The following UNC5C variants were observed in gnomAD, a reference collection of about 807,000 sequenced individuals.
UNC5C encodes the protein netrin receptor UNC5C.
Under a neutral mutation model 99.8 loss-of-function variants are expected in UNC5C, and 47 were observed. The observed-to-expected ratio is 0.47, with a 90% CI of 0.37 to 0.60. The LOEUF is 0.60. Ranked by LOEUF, UNC5C falls within the 20% of genes least tolerant of loss-of-function variation. UNC5C has a pLI of 0.00. For missense variants in UNC5C, 1,062 were observed against 1,165.9 expected, an observed-to-expected ratio of 0.91 and a Z score of 1.30; for synonymous variants, 487 against 452.2, an observed-to-expected ratio of 1.08 and a Z score of -0.98.
At chr4:95,349,488 C>T (rs1398789443) in intron 1 of UNC5C, among the ~76,000 whole-genome samples, 3 of 150,258 alleles carry the variant, frequency 2.0e-5, no homozygotes, top group Non-Finnish European at 3.0e-5. Context: ...GACTGGAGGG[C>T]TTTATGGGGG....
chr4:95,266,767 A>G (rs919945556), intron 4 of UNC5C, among the ~76,000 whole-genome samples: 3 of 152,204 alleles, frequency 2.0e-5, no homozygotes, highest in Non-Finnish European at 4.4e-5. Context: ...CTCTTTCCTA[A>G]ATACTTTATT....
At chr4:95,388,986 C>G (rs1339774994) in intron 1 of UNC5C, among the ~76,000 whole-genome samples, 1 of 152,084 alleles carries the variant, frequency 6.6e-6, no homozygotes, top group East Asian at 1.9e-4. Flanking sequence ...TGCTATTTAA[C>G]ATTTTTTTCA....
At chr4:95,189,915 T>C (rs1044266259) in intron 12 of UNC5C, among the ~76,000 whole-genome samples, 1 of 152,202 alleles carries the variant, frequency 6.6e-6, no homozygotes, top group Non-Finnish European at 1.5e-5. Context: ...AGTTCAGCCA[T>C]TGTGGAAGTC....
chr4:95,382,101 A>G lies in UNC5C; in HGVS notation c.125-46470T>C, dbSNP rs149979425. 3.0e-4 allele frequency among the ~76,000 whole-genome samples: 45 copies of G among 152,262 alleles called. No homozygotes were observed. The East Asian group carries it at 5.2e-3, about 18-fold the overall frequency. On this transcript the variant is annotated intron_variant, in intron 1 of 15. Coordinates refer to ENST00000453304, the MANE Select transcript of UNC5C (RefSeq NM_003728.4). ...CTCAGGTCAAGTGTAGCAGGTTTCA[A>G]TAAGTGTTTGTCCTTTTTACCAGGA... is the stretch of plus-strand genomic sequence containing the variant.
At chr4:95,213,913 T>C (rs1019499110) in intron 10 of UNC5C, among the ~76,000 whole-genome samples, 2 of 152,184 alleles carry the variant, frequency 1.3e-5, no homozygotes, top group Non-Finnish European at 2.9e-5. Context: ...TGGAGGAGGA[T>C]GGCACATTAG....
In UNC5C at chr4:95,391,792, G is replaced by GAGGCCA. The variant is rs545247226; in HGVS notation, c.125-56167_125-56162dup. Among the ~76,000 whole-genome samples, 33 of 148,306 alleles carry GAGGCCA rather than the reference G, an allele frequency of 2.2e-4. No homozygotes were observed. In the South Asian group the frequency reaches 5.4e-3, roughly 24 times the overall value. ...AAAAAAAAAAAGGCACTTTTAAAGA[G>GAGGCCA]AGGCCAAAGCACTGTGGCTCACACC... On this transcript the variant is annotated intron_variant, in intron 1 of 15. Transcript: ENST00000453304.
intron 10 of UNC5C, among the ~76,000 whole-genome samples, chr4:95,209,528 T>C (rs1396459997): frequency 6.6e-6 from 1 of 152,216 alleles, no homozygotes; most frequent in Non-Finnish European, 1.5e-5. Context: ...TTTTAGTCTT[T>C]TAATAGCATT....
chr4:95,346,868 C>T (rs1743791409), intron 1 of UNC5C, among the ~76,000 whole-genome samples: 1 of 151,876 alleles, frequency 6.6e-6, no homozygotes, highest in Non-Finnish European at 1.5e-5. Context: ...AACAAGGATG[C>T]CCACTTTCAT....
chr4:95,341,891 A>T (rs934381325), intron 1 of UNC5C, among the ~76,000 whole-genome samples: 3 of 152,134 alleles, frequency 2.0e-5, no homozygotes, highest in Non-Finnish European at 4.4e-5. Flanking sequence ...GCATTGGAAC[A>T]GAGTGCTACC....
At chr4:95,382,857 T>C (rs10461127) in intron 1 of UNC5C, among the ~76,000 whole-genome samples, 114,883 of 152,138 alleles carry the variant, frequency 0.76, 44,272 homozygotes, top group East Asian at 0.96. Flanking sequence ...AGCTGTCAAA[T>C]GCTCCATTGT....
At chr4:95,263,948 CATAAA>C (rs1410477126) in intron 4 of UNC5C, among the ~76,000 whole-genome samples, 2 of 152,154 alleles carry the variant, frequency 1.3e-5, no homozygotes, top group Non-Finnish European at 2.9e-5. Context: ...TGATATCTAG[CATAAA>C]ATAAGAGATA....
At chr4:95,371,064 A>G (rs978390955) in intron 1 of UNC5C, among the ~76,000 whole-genome samples, 4 of 152,190 alleles carry the variant, frequency 2.6e-5, no homozygotes, top group African/African-American at 9.6e-5. Flanking sequence ...AGTAATGCCA[A>G]TTACTTAGAA....
chr4:95,203,407 A>C lies in UNC5C; in HGVS notation c.1903-443T>G, dbSNP rs972908522. On this transcript the variant is annotated intron_variant, in intron 11 of 15. Coordinates refer to ENST00000453304, the MANE Select transcript of UNC5C (RefSeq NM_003728.4). ...CCTGACAAATTCCATGACACGTAAG[A>C]TACATTTCTCTGTTACTTTTTTTGT... Among the ~76,000 whole-genome samples the C allele has an allele frequency of 2.0e-5, 3 of 152,110 alleles. No individual in the cohort carries two copies. In the East Asian group the frequency reaches 5.8e-4, roughly 29 times the overall value.
intron 1 of UNC5C, among the ~76,000 whole-genome samples, chr4:95,337,604 T>C (rs1244960351): frequency 1.3e-5 from 2 of 151,968 alleles, no homozygotes; most frequent in African/African-American, 4.8e-5. Flanking sequence ...AAAGTGATAA[T>C]TTAACAATAT....
At chr4:95,427,058 T>C (rs1190543560) in intron 1 of UNC5C, among the ~76,000 whole-genome samples, 1 of 152,174 alleles carries the variant, frequency 6.6e-6, no homozygotes, top group African/African-American at 2.4e-5. Context: ...AAGTGATCCT[T>C]ATGAATGACT....
At chr4:95,404,680 C>T (rs1360033588) in intron 1 of UNC5C, among the ~76,000 whole-genome samples, 1 of 152,116 alleles carries the variant, frequency 6.6e-6, no homozygotes, top group Non-Finnish European at 1.5e-5. Flanking sequence ...CTGGCAAAGG[C>T]TTCACCCTCA....
rs1319483233 is a variant in UNC5C, at chr4:95,548,723, G to T, written c.124+11C>A. ...AGGGAGGTGGCCGCGGAGCTTGGCGGACCCCCTTACCTTGGGCGGCGGAGC... is the reference window on the plus strand; with the variant it reads ...AGGGAGGTGGCCGCGGAGCTTGGCGTACCCCCTTACCTTGGGCGGCGGAGC... On this transcript the variant is annotated intron_variant, in intron 1 of 15. Transcript: ENST00000453304. 7.4e-6 allele frequency: 12 copies of T among 1,611,750 alleles called. No homozygotes were observed. The highest frequency in any genetic ancestry group is 1.7e-5 in the Admixed American group (1 of 59,928).
intron 1 of UNC5C, among the ~76,000 whole-genome samples, chr4:95,400,631 T>A (rs1745661852): frequency 1.3e-5 from 2 of 152,226 alleles, no homozygotes; most frequent in African/African-American, 4.8e-5. Flanking sequence ...GACCTCAGGA[T>A]CCACTCGCCT....
At chr4:95,472,792 C>T (rs1348845523) in intron 1 of UNC5C, among the ~76,000 whole-genome samples, 1 of 151,990 alleles carries the variant, frequency 6.6e-6, no homozygotes, top group African/African-American at 2.4e-5. Flanking sequence ...GGCTTATTAA[C>T]TGGCAAATTT....
Sources: allele counts gnomAD v4.1 joint callset (sites outside exome capture counted in the v4.1 genomes callset), GRCh38; gene constraint gnomAD v4.1.1; transcripts MANE v1.5; gene names NCBI Gene and HGNC (gene_info 2026-07-23, HGNC 2026-07-21).